The following GLIS3 variants were observed in gnomAD, a reference collection of about 807,000 sequenced individuals.
The protein encoded by GLIS3 is GLIS family zinc finger 3.
Under a neutral mutation model 78.6 loss-of-function variants are expected in GLIS3, and 53 were observed. The ratio of observed to expected loss-of-function variants is 0.67; its 90% confidence interval spans 0.54 to 0.85. The LOEUF (loss-of-function observed/expected upper bound fraction) is 0.85. Ranked by LOEUF, GLIS3 falls within the 40% of genes least tolerant of loss-of-function variation. GLIS3 has a pLI of 0.00. For missense variants in GLIS3, 1,703 were observed against 1,231.1 expected, an observed-to-expected ratio of 1.38 and a Z score of -5.74; for synonymous variants, 684 against 509.9, an observed-to-expected ratio of 1.34 and a Z score of -4.60.
At chr9:4,001,474 A>G (rs907394890) in intron 4 of GLIS3, among the ~76,000 whole-genome samples, 2 of 152,204 alleles carry the variant, frequency 1.3e-5, no homozygotes, top group African/African-American at 4.8e-5. Context: ...ATACCACACA[A>G]TATCAAACAA....
intron 4 of GLIS3, among the ~76,000 whole-genome samples, chr9:3,989,232 A>G (rs983879959): frequency 1.8e-4 from 28 of 152,184 alleles, no homozygotes; most frequent in Non-Finnish European, 1.0e-4. Context: ...GCTAAAAATT[A>G]AAAAGAGTGA....
chr9:4,487,174 AT>A, the GLIS3 span, among the ~76,000 whole-genome samples: 1 of 151,998 alleles, frequency 6.6e-6, no homozygotes, highest in African/African-American at 2.4e-5. Flanking sequence ...TAATTTTTGT[AT>A]TTTTAGTAGA....
At chr9:4,371,146 C>A in the GLIS3 span, among the ~76,000 whole-genome samples, 2 of 152,068 alleles carry the variant, frequency 1.3e-5, no homozygotes, top group Admixed American at 6.6e-5. Context: ...CATGCATAAA[C>A]CATTTGGTCA....
At chr9:3,840,237 T>C (rs1428594165) in intron 9 of GLIS3, among the ~76,000 whole-genome samples, 2 of 152,164 alleles carry the variant, frequency 1.3e-5, no homozygotes, top group Non-Finnish European at 2.9e-5. Context: ...CATAAGCAGT[T>C]CTTAAGTAAT....
rs1052215232 is a variant in GLIS3 at position 3,858,258 on chromosome 9, G to A, written c.2298-2074C>T. Among the ~76,000 whole-genome samples, 8 of 152,260 alleles carry A rather than the reference G, an allele frequency of 5.3e-5. No individual in the cohort carries two copies. The East Asian group carries it at 7.7e-4, about 15-fold the overall frequency. On this transcript the variant is annotated intron_variant, in intron 8 of 10. Coordinates refer to ENST00000381971, the MANE Select transcript of GLIS3 (RefSeq NM_001042413.2). ...GGACTGATGGGACACAGAGATGTGT[G>A]AATGGGCAAGTCAGCAAGTAGATCT... is the stretch of plus-strand genomic sequence containing the variant.
intron 2 of GLIS3, among the ~76,000 whole-genome samples, chr9:4,129,424 TAGA>T (rs1435178442): frequency 6.6e-6 from 1 of 152,152 alleles, no homozygotes; most frequent in Non-Finnish European, 1.5e-5. Context: ...TGGGGCCCAG[TAGA>T]AGGTGATTGG....
intron 2 of GLIS3, among the ~76,000 whole-genome samples, chr9:4,158,234 T>C (rs1191181901): frequency 2.0e-5 from 3 of 152,228 alleles, no homozygotes; most frequent in Admixed American, 6.5e-5. Flanking sequence ...ATTCTGAGTT[T>C]CTCTTTATTG....
intron 4 of GLIS3, among the ~76,000 whole-genome samples, chr9:4,027,828 G>A (rs1823474145): frequency 6.6e-6 from 1 of 152,126 alleles, no homozygotes; most frequent in South Asian, 2.1e-4. Context: ...CAGCCCCGGC[G>A]GAACCCTCGT....
intron 4 of GLIS3, among the ~76,000 whole-genome samples, chr9:4,014,582 T>C (rs1171930615): frequency 1.3e-5 from 2 of 152,136 alleles, no homozygotes; most frequent in East Asian, 1.9e-4. Flanking sequence ...CAGCAATGAT[T>C]AGAAGCTAGG....
At chr9:3,961,927 C>T (rs917578070) in intron 4 of GLIS3, among the ~76,000 whole-genome samples, 6 of 152,034 alleles carry the variant, frequency 3.9e-5, no homozygotes, top group South Asian at 2.1e-4. Flanking sequence ...ATTACTGGCC[C>T]GGCATGGTGG....
At chr9:3,924,975 C>T (rs978495472) in intron 6 of GLIS3, among the ~76,000 whole-genome samples, 1 of 152,162 alleles carries the variant, frequency 6.6e-6, no homozygotes, top group Non-Finnish European at 1.5e-5. Flanking sequence ...AGGCACTGTA[C>T]AGCCTGAATA....
At chr9:3,849,786 A>G (rs928534152) in intron 9 of GLIS3, among the ~76,000 whole-genome samples, 3 of 152,052 alleles carry the variant, frequency 2.0e-5, no homozygotes, top group African/African-American at 4.8e-5. Context: ...GTATGTGTCT[A>G]TAGTCCCAGC....
chr9:4,368,552 C>T, the GLIS3 span, among the ~76,000 whole-genome samples: 3 of 152,096 alleles, frequency 2.0e-5, no homozygotes, highest in Admixed American at 6.6e-5. Context: ...GGGGTTTCAC[C>T]GTGTTAGCCA....
chr9:4,316,432 C>G (rs986218054), intron 2 of GLIS3, among the ~76,000 whole-genome samples: 1 of 152,216 alleles, frequency 6.6e-6, no homozygotes, highest in Non-Finnish European at 1.5e-5. Context: ...AGTAGTACAG[C>G]AGGTCCTTAA....
intron 7 of GLIS3, among the ~76,000 whole-genome samples, chr9:3,881,038 C>T (rs1177290056): frequency 6.6e-6 from 1 of 152,196 alleles, no homozygotes; most frequent in Non-Finnish European, 1.5e-5. Context: ...TATTTGCAAA[C>T]TCACTAGAGT....
rs947707070 is a variant in GLIS3 at position 4,299,674 on chromosome 9, A to C, written c.-352T>G. On this transcript the variant is annotated 5_prime_UTR_variant, in exon 1 of 11. Transcript: ENST00000381971. ...GGGCAGCGGCGGCAGGGGGAGGAGG[A>C]GGCAGAGGCGGGGTGGCTGGACCCT... The C allele has an allele frequency of 6.6e-6, 1 of 152,614 alleles. No homozygotes were observed. The highest frequency in any genetic ancestry group is 1.5e-5 in the Non-Finnish European group (1 of 68,168). The allele number at this position is 152,614 out of a possible 1,614,324, so 9.5% of individuals were successfully genotyped here. A position where few individuals can be genotyped will look rare whatever the true frequency, so the allele number is the denominator to read the frequency against.
intron 2 of GLIS3, among the ~76,000 whole-genome samples, chr9:4,226,801 C>T (rs905281616): frequency 2.0e-5 from 3 of 152,012 alleles, no homozygotes; most frequent in Admixed American, 1.3e-4. Flanking sequence ...TTGGTGAGGA[C>T]GAAAAAGACA....
chr9:4,208,210 G>A lies in GLIS3; in HGVS notation c.388+77828C>T, dbSNP rs183078703. Among the ~76,000 whole-genome samples the A allele has an allele frequency of 4.3e-3, 653 of 152,280 alleles. 2 individuals are homozygous for A. The highest frequency in any genetic ancestry group is 6.4e-3 in the Non-Finnish European group (434 of 68,008). ...CTAAGAAACTGATTTCTAAAATATGGCTTCTTTATACGACAACAAGTAGAC... is the reference window on the plus strand; with the variant it reads ...CTAAGAAACTGATTTCTAAAATATGACTTCTTTATACGACAACAAGTAGAC... On this transcript the variant is annotated intron_variant, in intron 2 of 10. Coordinates refer to ENST00000381971, the MANE Select transcript of GLIS3 (RefSeq NM_001042413.2).
At chr9:4,087,609 A>C (rs750024897) in intron 4 of GLIS3, among the ~76,000 whole-genome samples, 1 of 152,224 alleles carries the variant, frequency 6.6e-6, no homozygotes, top group African/African-American at 2.4e-5. Flanking sequence ...ATAGAGCTTA[A>C]AAATAGAGTT....
Sources: gnomAD v4.1 joint callset for allele counts (sites outside exome capture counted in the v4.1 genomes callset) on GRCh38, gnomAD v4.1.1 for gene constraint, MANE v1.5 for transcripts, NCBI Gene and HGNC (gene_info 2026-07-23, HGNC 2026-07-21) for gene names.